Variants in ITCH observed in about 807,000 individuals in gnomAD.
ITCH encodes the protein itchy E3 ubiquitin protein ligase.
Under a neutral mutation model 126.8 loss-of-function variants are expected in ITCH, and 28 were observed. The observed-to-expected ratio is 0.22, with a 90% CI of 0.16 to 0.30. The LOEUF (loss-of-function observed/expected upper bound fraction) is 0.30. Ranked by LOEUF, ITCH falls within the 10% of genes least tolerant of loss-of-function variation. The pLI, the probability that ITCH is intolerant of heterozygous loss-of-function variation, is 1.00. For synonymous variants in ITCH, 342 were observed against 340.0 expected, an observed-to-expected ratio of 1.01 and a Z score of -0.06; for missense variants, 631 against 1,032.4, an observed-to-expected ratio of 0.61 and a Z score of 5.33.
At chr20:34,371,167 C>CAA (rs1213462396) in intron 2 of ITCH, among the ~76,000 whole-genome samples, 18 of 58,444 alleles carry the variant, frequency 3.1e-4, no homozygotes, top group East Asian at 1.1e-3. Flanking sequence ...GACTCCGTCT[C>CAA]AAAAAAAAAA....
chr20:34,380,449 G>T (rs1305590533), intron 2 of ITCH, among the ~76,000 whole-genome samples: 1 of 152,010 alleles, frequency 6.6e-6, no homozygotes, highest in African/African-American at 2.4e-5. Flanking sequence ...CACATCTTCT[G>T]TTCTGACCTT....
chr20:34,380,021 C>T lies in ITCH; in HGVS notation c.-22+10551C>T, dbSNP rs377627865. ...AAGCAATTCTCCTGCCTCAGTCTCCCGAGTAGCTGGAACTACAGGTGTGTG... is the reference window on the plus strand; with the variant it reads ...AAGCAATTCTCCTGCCTCAGTCTCCTGAGTAGCTGGAACTACAGGTGTGTG... On this transcript the variant is annotated intron_variant, in intron 2 of 24. Coordinates refer to ENST00000374864, the MANE Select transcript of ITCH (RefSeq NM_031483.7). 5.3e-5 allele frequency among the ~76,000 whole-genome samples: 8 copies of T among 151,786 alleles called. No individual in the cohort carries two copies. In the South Asian group the frequency reaches 6.2e-4, roughly 12 times the overall value.
chr20:34,485,747 A>G (rs2146492045), intron 20 of ITCH, among the ~76,000 whole-genome samples: 1 of 152,304 alleles, frequency 6.6e-6, no homozygotes, highest in Non-Finnish European at 1.5e-5. Flanking sequence ...CAGTGGCACG[A>G]TCAGAGCTCA....
chr20:34,477,774 A>G lies in ITCH; in HGVS notation c.1572A>G (p.Ile524Met), dbSNP rs1988375342. 1 of 1,613,342 alleles carries G rather than the reference A, an allele frequency of 6.2e-7. No homozygotes were observed. Among genetic ancestry groups the G allele is most frequent in the Non-Finnish European group, 8.5e-7 (1 of 1,179,562 alleles). The change falls in exon 17 of 25, where the codon ATA becomes ATG. Residue 524 changes from isoleucine to methionine, a missense_variant and splice_region_variant. Transcript: ENST00000374864. The part of the protein sequence containing the change: ...KTLFEDSFQQ[I>M]MSFSPQDLRR... Reference sequence around the variant, plus strand: ...TATTTTACTTTATTTTTTTTTAGATAATGAGCTTCAGTCCCCAAGATCTGC... The same window carrying G: ...TATTTTACTTTATTTTTTTTTAGATGATGAGCTTCAGTCCCCAAGATCTGC...
chr20:34,440,381 G>A (rs778880744), intron 9 of ITCH, 37 bp downstream of exon 9: 2 of 1,459,672 alleles, frequency 1.4e-6, no homozygotes, highest in Non-Finnish European at 1.9e-6. Context: ...GTTGTCTTTA[G>A]GATTCTTCAT....
At chr20:34,394,876 G>A (rs1275921425) in intron 3 of ITCH, among the ~76,000 whole-genome samples, 1 of 152,128 alleles carries the variant, frequency 6.6e-6, no homozygotes, top group Non-Finnish European at 1.5e-5. Context: ...GACAAAGTCT[G>A]TTTGGCCCAC....
intron 23 of ITCH, among the ~76,000 whole-genome samples, chr20:34,494,203 C>G (rs960741213): frequency 3.3e-5 from 5 of 152,170 alleles, no homozygotes; most frequent in Non-Finnish European, 1.5e-5. Context: ...GCACTCCAGC[C>G]TGGGAAACAG....
At chr20:34,477,988 T>C in intron 17 of ITCH, 128 bp downstream of exon 17, 1 of 1,212,700 alleles carries the variant, frequency 8.2e-7, no homozygotes, top group Non-Finnish European at 1.2e-6. Context: ...TATTATACCT[T>C]TATTATGCTG....
At chr20:34,383,836 C>CTTTTTTTT (rs745864966) in intron 2 of ITCH, among the ~76,000 whole-genome samples, 10 of 68,666 alleles carry the variant, frequency 1.5e-4, no homozygotes, top group Non-Finnish European at 2.3e-4. Context: ...GTCTGTAATT[C>CTTTTTTTT]TTTTTTTTTT....
intron 2 of ITCH, among the ~76,000 whole-genome samples, chr20:34,382,043 A>G (rs530977182): frequency 6.6e-6 from 1 of 152,170 alleles, no homozygotes; most frequent in African/African-American, 2.4e-5. Flanking sequence ...TGTATGTGGT[A>G]TTTTGCCTTC....
intron 4 of ITCH, 74 bp downstream of exon 4, chr20:34,408,866 T>G: frequency 6.6e-7 from 1 of 1,515,422 alleles, no homozygotes; most frequent in Non-Finnish European, 9.0e-7. Flanking sequence ...AAAAAATGTT[T>G]CTCACTTTGG....
intron 23 of ITCH, among the ~76,000 whole-genome samples, chr20:34,495,286 AT>A (rs58599357): frequency 0.03 from 2,188 of 71,770 alleles, 18 homozygotes; most frequent in Middle Eastern, 0.059. Context: ...AAATAAATAA[AT>A]AAATAAAATA....
intron 3 of ITCH, chr20:34,401,713 T>TA (rs112481430): frequency 0.038 from 22,829 of 598,204 alleles, 28 homozygotes; most frequent in African/African-American, 0.053. Flanking sequence ...GTTAATGAAT[T>TA]AAAAAAAAAA....
At chr20:34,390,507 A>G (rs1265514056) in intron 2 of ITCH, among the ~76,000 whole-genome samples, 2 of 144,334 alleles carry the variant, frequency 1.4e-5, no homozygotes, top group East Asian at 2.0e-4. Context: ...CTGGAGTGCA[A>G]TGGCACGATG....
chr20:34,387,408 CT>C (rs2146047224), intron 2 of ITCH, among the ~76,000 whole-genome samples: 1 of 152,166 alleles, frequency 6.6e-6, no homozygotes, highest in African/African-American at 2.4e-5. Flanking sequence ...AGGAGGACGA[CT>C]TACTTGAGCC....
Position 34,438,461 on chromosome 20 carries a change from T to G in ITCH, c.522-13T>G, listed in dbSNP as rs1983317344. On this transcript the variant is annotated splice_polypyrimidine_tract_variant and intron_variant, in intron 7 of 24. Coordinates refer to ENST00000374864, the MANE Select transcript of ITCH (RefSeq NM_031483.7). ...TTCCCTCTCCCCCTTCCTTTTCCCC[T>G]CTTCTTACCCAGAGTGAGCACAAAT... 1.2e-6 allele frequency: 2 copies of G among 1,613,800 alleles called. No homozygotes were observed. Among genetic ancestry groups the G allele is most frequent in the South Asian group, 1.1e-5 (1 of 91,070 alleles).
chr20:34,480,039 CA>C (rs1988589277), intron 18 of ITCH, among the ~76,000 whole-genome samples: 1 of 152,244 alleles, frequency 6.6e-6, no homozygotes, highest in East Asian at 1.9e-4. Context: ...GCTAGGATTA[CA>C]GGTGTGCGCC....
chr20:34,496,332 T>TGTATATTCTG (rs1219638973), intron 23 of ITCH, among the ~76,000 whole-genome samples: 1 of 152,252 alleles, frequency 6.6e-6, no homozygotes, highest in African/African-American at 2.4e-5. Context: ...GTTGAGTTCT[T>TGTATATTCTG]GTATATTCTG....
chr20:34,457,814 G>T (rs1374413539), intron 13 of ITCH, among the ~76,000 whole-genome samples: 1 of 152,078 alleles, frequency 6.6e-6, no homozygotes, highest in Admixed American at 6.6e-5. Context: ...GGGTGTGTTG[G>T]CATGTATACC....
Sources: gnomAD v4.1 joint callset for allele counts (sites outside exome capture counted in the v4.1 genomes callset) on GRCh38, gnomAD v4.1.1 for gene constraint, MANE v1.5 for transcripts, NCBI Gene and HGNC (gene_info 2026-07-23, HGNC 2026-07-21) for gene names.